Variants in FOXRED1 observed in about 807,000 individuals in gnomAD.
FOXRED1 encodes FAD-dependent oxidoreductase domain-containing protein 1.
A neutral mutation model predicts 57.8 loss-of-function variants in FOXRED1; 52 were observed. That is an observed-to-expected ratio of 0.90 (90% CI 0.72 to 1.13). The LOEUF is 1.13. Among genes scored for constraint, FOXRED1 ranks in the 50% most tolerant of loss-of-function variants. The pLI is 0.00. For synonymous variants in FOXRED1, 271 were observed against 248.3 expected, an observed-to-expected ratio of 1.09 and a Z score of -0.86; for missense variants, 589 against 625.2, an observed-to-expected ratio of 0.94 and a Z score of 0.62.
Position 126,275,326 on chromosome 11 carries a change from G to A in FOXRED1, c.632-1G>A. 6.2e-7 allele frequency: 1 copy of A among 1,606,828 alleles called. No individual in the cohort carries two copies. Among genetic ancestry groups the A allele is most frequent in the Non-Finnish European group, 8.5e-7 (1 of 1,173,390 alleles). On this transcript the variant is annotated splice_acceptor_variant, in intron 5 of 10. Transcript: ENST00000263578. LOFTEE classifies it high-confidence loss of function. The surrounding 1 kb of genome is among the most constrained non-coding windows in gnomAD (Gnocchi z 5.9). ...TGTGAGTTCTCTTTTTCTTATCACAGGGATGGAGGACGAAGGTTGGTTTGA... is the reference window on the plus strand; with the variant it reads ...TGTGAGTTCTCTTTTTCTTATCACAAGGATGGAGGACGAAGGTTGGTTTGA...
chr11:126,269,219 G>C lies in FOXRED1; in HGVS notation c.13G>C (p.Val5Leu). The C allele has an allele frequency of 6.2e-7, 1 of 1,613,808 alleles. No homozygotes were observed. The highest frequency in any genetic ancestry group is 8.5e-7 in the Non-Finnish European group (1 of 1,179,790). Residue 5 changes from valine to leucine, a missense_variant, in exon 1 of 11, where the codon GTT becomes CTT. By Grantham distance (32) the Val-to-Leu change is conservative. Coordinates refer to ENST00000263578, the MANE Select transcript of FOXRED1 (RefSeq NM_017547.4). MIRR[V>L]LPHGMGRGLL... ...GCTCAGAGGGGTTATGATTCGGAGGGTTCTGCCGCACGGCATGGGCCGGGG... is the reference window on the plus strand; with the variant it reads ...GCTCAGAGGGGTTATGATTCGGAGGCTTCTGCCGCACGGCATGGGCCGGGG...
Position 126,272,815 on chromosome 11 carries a change from C to T in FOXRED1, c.307-154C>T, listed in dbSNP as rs141660056. 8.1e-4 allele frequency: 562 copies of T among 691,644 alleles called. 2 individuals carry two copies. Among genetic ancestry groups the T allele is most frequent in the African/African-American group, 7.2e-3 (411 of 56,976 alleles). 42.8% of individuals were successfully genotyped at this position (691,644 alleles called of 1,614,324 possible). ...CTACTAATGATTTTAAACACCATTG[C>T]CTTCAAGTTGACTTACACATGGGTC... is the stretch of plus-strand genomic sequence containing the variant. On this transcript the variant is annotated intron_variant, in intron 2 of 10. Transcript: ENST00000263578. This position sits in a 1 kb window ranked among gnomAD's most constrained non-coding sequence, Gnocchi z 4.6.
In FOXRED1 at chr11:126,275,389, C is replaced by G; in HGVS notation, c.694C>G (p.Gln232Glu). Residue 232 changes from glutamine (Q) to glutamate (E), a missense_variant, in exon 6 of 11, where the codon CAG (glutamine) becomes GAG (glutamate). Coordinates refer to ENST00000263578, the MANE Select transcript of FOXRED1 (RefSeq NM_017547.4). The surrounding 1 kb of genome is among the most constrained non-coding windows in gnomAD (Gnocchi z 5.9). Reference sequence around the variant, plus strand: ...GCTCCAGGGGCTTCGGCGAAAGGTCCAGTCCTTGGGAGTCCTTTTCTGCCA... The same window carrying G: ...GCTCCAGGGGCTTCGGCGAAAGGTCGAGTCCTTGGGAGTCCTTTTCTGCCA... ...CLLQGLRRKVQSLGVLFCQGE... is the reference protein window; with the variant it reads ...CLLQGLRRKVESLGVLFCQGE... The G allele has an allele frequency of 6.2e-7, 1 of 1,613,876 alleles. No individual in the cohort carries two copies. The highest frequency in any genetic ancestry group is 8.5e-7 in the Non-Finnish European group (1 of 1,179,840).
chr11:126,269,490 G>A (rs1950913460), intron 1 of FOXRED1, 199 bp downstream of exon 1: 2 of 903,276 alleles, frequency 2.2e-6, no homozygotes, highest in Non-Finnish European at 3.5e-6. Flanking sequence ...CAGGTGGCAG[G>A]TCTCACATCA....
chr11:126,277,115 C>G lies in FOXRED1; in HGVS notation c.1146C>G (p.Phe382Leu). 6.2e-7 allele frequency: 1 copy of G among 1,613,758 alleles called. No homozygotes were observed. The highest frequency in any genetic ancestry group is 8.5e-7 in the Non-Finnish European group (1 of 1,179,910). The change falls in exon 10 of 11, where the codon TTC becomes TTG. Residue 382 changes from phenylalanine (F) to leucine (L), a missense_variant. Phe to Leu is a conservative substitution (Grantham distance 22). Coordinates refer to ENST00000263578, the MANE Select transcript of FOXRED1 (RefSeq NM_017547.4). This position sits in a 1 kb window ranked among gnomAD's most constrained non-coding sequence, Gnocchi z 6.8. ...DPANLEVDHD[F>L]FQDKVWPHLA... ...CGAACCTGGAAGTGGACCATGATTTCTTCCAGGACAAGGTGTGGCCCCATT... is the reference window on the plus strand; with the variant it reads ...CGAACCTGGAAGTGGACCATGATTTGTTCCAGGACAAGGTGTGGCCCCATT...
chr11:126,275,920 G>T lies in FOXRED1; in HGVS notation c.810+50G>T, dbSNP rs1442566758. The T allele has an allele frequency of 2.6e-6, 4 of 1,530,064 alleles. No individual in the cohort carries two copies. The highest frequency in any genetic ancestry group is 3.6e-6 in the Non-Finnish European group (4 of 1,103,642). The allele number at this position is 1,530,064 out of a possible 1,614,324, so 94.8% of individuals were successfully genotyped here. A position where few individuals can be genotyped will look rare whatever the true frequency, so the allele number is the denominator to read the frequency against. On this transcript the variant is annotated intron_variant, in intron 7 of 10. Coordinates refer to ENST00000263578, the MANE Select transcript of FOXRED1 (RefSeq NM_017547.4). The surrounding 1 kb of genome is among the most constrained non-coding windows in gnomAD (Gnocchi z 5.9). ...TTTACCAAAATGGAGGGACAGGGAAGGTAGTGACTCTCCTTGTTTTGGTTT... is the reference window on the plus strand; with the variant it reads ...TTTACCAAAATGGAGGGACAGGGAATGTAGTGACTCTCCTTGTTTTGGTTT...
rs1303805665 is a variant in FOXRED1, at chr11:126,277,811, T to C, written c.*122T>C. 9.0e-7 allele frequency: 1 copy of C among 1,108,576 alleles called. No homozygotes were observed. Among genetic ancestry groups the C allele is most frequent in the Non-Finnish European group, 1.4e-6 (1 of 734,844 alleles). 68.7% of individuals were successfully genotyped at this position (1,108,576 alleles called of 1,614,324 possible). On this transcript the variant is annotated 3_prime_UTR_variant, in exon 11 of 11. Coordinates refer to ENST00000263578, the MANE Select transcript of FOXRED1 (RefSeq NM_017547.4). The surrounding 1 kb of genome is among the most constrained non-coding windows in gnomAD (Gnocchi z 6.8). ...TCTCCCCCTCCCCAGTGTCCTCTCC[T>C]CTCAGGCAGGCCATTGCACCCATAT...
rs372704453 is a variant in FOXRED1 at position 126,275,911 on chromosome 11, G to A, written c.810+41G>A. The stretch of plus-strand genomic sequence containing the variant: ...GTGATGTCCTTTACCAAAATGGAGG[G>A]ACAGGGAAGGTAGTGACTCTCCTTG... On this transcript the variant is annotated intron_variant, in intron 7 of 10. Coordinates refer to ENST00000263578, the MANE Select transcript of FOXRED1 (RefSeq NM_017547.4). This position sits in a 1 kb window ranked among gnomAD's most constrained non-coding sequence, Gnocchi z 5.9. 1.2e-5 allele frequency: 18 copies of A among 1,542,660 alleles called. No homozygotes were observed. The highest frequency in any genetic ancestry group is 2.7e-6 in the Non-Finnish European group (3 of 1,115,000).
rs759731194 is a variant in FOXRED1, at chr11:126,277,444, G to T, written c.1216G>T (p.Ala406Ser). The T allele has an allele frequency of 6.2e-7, 1 of 1,613,050 alleles. No individual in the cohort carries two copies. Among genetic ancestry groups the T allele is most frequent in the South Asian group, 1.1e-5 (1 of 91,070 alleles). The change falls in exon 11 of 11, where the codon GCC becomes TCC. Residue 406 changes from alanine (A) to serine (S), a missense_variant. Ala to Ser is a moderately conservative substitution (Grantham distance 99). Coordinates refer to ENST00000263578, the MANE Select transcript of FOXRED1 (RefSeq NM_017547.4). This position sits in a 1 kb window ranked among gnomAD's most constrained non-coding sequence, Gnocchi z 6.8. The stretch of plus-strand genomic sequence containing the variant: ...TTTTGTGCACCCGCAGGTTCAGAGC[G>T]CCTGGGCCGGCTATTACGACTACAA... ...PAFETLKVQS[A>S]WAGYYDYNTF...
Position 126,272,592 on chromosome 11 carries a change from G to GT in FOXRED1, c.307-372dup, listed in dbSNP as rs1951020117. ...CAGGCATGAGCCACCCACCCGGCTG[G>GT]TTTTTACACTTTAGGTGTTCCTGTT... On this transcript the variant is annotated intron_variant, in intron 2 of 10. Transcript: ENST00000263578. The surrounding 1 kb of genome is among the most constrained non-coding windows in gnomAD (Gnocchi z 4.6). 1 of 325,252 alleles carries GT rather than the reference G, an allele frequency of 3.1e-6. No homozygotes were observed. Among genetic ancestry groups the GT allele is most frequent in the Non-Finnish European group, 5.9e-6 (1 of 168,904 alleles). The allele number at this position is 325,252 out of a possible 1,614,324, so 20.1% of individuals were successfully genotyped here.
chr11:126,276,117 C>A lies in FOXRED1; in HGVS notation c.869C>A (p.Ala290Glu). 1 of 1,612,716 alleles carries A rather than the reference C, an allele frequency of 6.2e-7. No homozygotes were observed. The highest frequency in any genetic ancestry group is 2.2e-5 in the East Asian group (1 of 44,802). ...QPVECAIVIN[A>E]AGAWSAQIAA... ...GTGGAATGCGCCATTGTGATCAACG[C>A]AGCCGGAGCCTGGTCTGCGCAAATC... The change falls in exon 8 of 11, where the codon GCA becomes GAA. Residue 290 changes from alanine (A) to glutamate (E), a missense_variant. By Grantham distance (107) the Ala-to-Glu change is moderately radical. Transcript: ENST00000263578.
intron 1 of FOXRED1, among the ~76,000 whole-genome samples, chr11:126,269,986 CAAAAAAAAAA>C (rs58199526): frequency 2.8e-5 from 2 of 72,332 alleles, no homozygotes; most frequent in Non-Finnish European, 5.9e-5. Context: ...AACTCCGTCT[CAAAAAAAAAA>C]AAAAAAAAAA....
chr11:126,277,729 G>C lies in FOXRED1; in HGVS notation c.*40G>C. The C allele has an allele frequency of 6.2e-7, 1 of 1,609,720 alleles. No individual in the cohort carries two copies. The highest frequency in any genetic ancestry group is 8.5e-7 in the Non-Finnish European group (1 of 1,177,122). ...CACTGGCTCCACTGGCTTGCATCCT[G>C]GCTGTGTTCACAGCCTTGTTTGCTG... On this transcript the variant is annotated 3_prime_UTR_variant, in exon 11 of 11. Transcript: ENST00000263578. This position sits in a 1 kb window ranked among gnomAD's most constrained non-coding sequence, Gnocchi z 6.8.
Position 126,275,597 on chromosome 11 carries a change from C to T in FOXRED1, c.733+169C>T. The T allele has an allele frequency of 2.8e-6, 2 of 722,762 alleles. No individual in the cohort carries two copies. The highest frequency in any genetic ancestry group is 2.5e-6 in the Non-Finnish European group (1 of 400,646). 44.8% of individuals were successfully genotyped at this position (722,762 alleles called of 1,614,324 possible). A position where few individuals can be genotyped will look rare whatever the true frequency, so the allele number is the denominator to read the frequency against. ...ACTGATCTGCGTTGTGACTTGTGATCTGCTTGATGATTGCACCTGAGCACT... is the reference window on the plus strand; with the variant it reads ...ACTGATCTGCGTTGTGACTTGTGATTTGCTTGATGATTGCACCTGAGCACT... On this transcript the variant is annotated intron_variant, in intron 6 of 10. Coordinates refer to ENST00000263578, the MANE Select transcript of FOXRED1 (RefSeq NM_017547.4). This position sits in a 1 kb window ranked among gnomAD's most constrained non-coding sequence, Gnocchi z 5.9.
rs541052622 is a variant in FOXRED1 at position 126,276,229 on chromosome 11, C to T, written c.971+10C>T. ...TGGAGCCGAGGAAAAGGTAACTGCC[C>T]TCCGGACAGCTGAGGAGGTTGGTGA... On this transcript the variant is annotated intron_variant, in intron 8 of 10. Transcript: ENST00000263578. The T allele has an allele frequency of 3.7e-6, 5 of 1,341,926 alleles. No homozygotes were observed. The highest frequency in any genetic ancestry group is 2.5e-5 in the African/African-American group (1 of 40,070). 83.1% of individuals were successfully genotyped at this position (1,341,926 alleles called of 1,614,324 possible).
Position 126,272,705 on chromosome 11 carries a change from G to A in FOXRED1, c.307-264G>A. On this transcript the variant is annotated intron_variant, in intron 2 of 10. Coordinates refer to ENST00000263578, the MANE Select transcript of FOXRED1 (RefSeq NM_017547.4). The surrounding 1 kb of genome is among the most constrained non-coding windows in gnomAD (Gnocchi z 4.6). ...ATGGTAGGTCAAACGTTAATCGCCT[G>A]CCCTTGGACTTCCAGGCCATTACCA... The A allele has an allele frequency of 1.8e-6, 1 of 564,174 alleles. No homozygotes were observed. The highest frequency in any genetic ancestry group is 3.1e-5 in the East Asian group (1 of 32,680). The allele number at this position is 564,174 out of a possible 1,614,324, so 34.9% of individuals were successfully genotyped here.
At position 126,275,462 on chromosome 11, in the gene FOXRED1, G is replaced by A. The variant is rs563695148; in HGVS notation, c.733+34G>A. ...GAGCTTGTTTCCTCTAGCAACCGGG[G>A]CATAGGCCTAGACTAGGTCTTATCT... On this transcript the variant is annotated intron_variant, in intron 6 of 10. Coordinates refer to ENST00000263578, the MANE Select transcript of FOXRED1 (RefSeq NM_017547.4). The surrounding 1 kb of genome is among the most constrained non-coding windows in gnomAD (Gnocchi z 5.9). 98 of 1,407,812 alleles carry A rather than the reference G, an allele frequency of 7.0e-5. 1 individual carries two copies. The South Asian group carries it at 9.9e-4, about 14-fold the overall frequency. 87.2% of individuals were successfully genotyped at this position (1,407,812 alleles called of 1,614,324 possible).
Position 126,277,479 on chromosome 11 carries a change from C to G in FOXRED1, c.1251C>G (p.Asp417Glu). 2 of 1,613,506 alleles carry G rather than the reference C, an allele frequency of 1.2e-6. No individual in the cohort carries two copies. Among genetic ancestry groups the G allele is most frequent in the Admixed American group, 1.7e-5 (1 of 60,018 alleles). Residue 417 changes from aspartate to glutamate, a missense_variant, in exon 11 of 11, where the codon GAC (aspartate) becomes GAG (glutamate). Asp to Glu is a conservative substitution (Grantham distance 45). Coordinates refer to ENST00000263578, the MANE Select transcript of FOXRED1 (RefSeq NM_017547.4). The surrounding 1 kb of genome is among the most constrained non-coding windows in gnomAD (Gnocchi z 6.8). The part of the protein sequence containing the change: ...WAGYYDYNTF[D>E]QNGVVGPHPL... Reference sequence around the variant, plus strand: ...GCTATTACGACTACAACACCTTTGACCAGAATGGCGTGGTGGGCCCCCACC... The same window carrying G: ...GCTATTACGACTACAACACCTTTGAGCAGAATGGCGTGGTGGGCCCCCACC...
At position 126,272,242 on chromosome 11, in the gene FOXRED1, A is replaced by G. The variant is rs549811160; in HGVS notation, c.306+585A>G. On this transcript the variant is annotated intron_variant, in intron 2 of 10. Transcript: ENST00000263578. This position sits in a 1 kb window ranked among gnomAD's most constrained non-coding sequence, Gnocchi z 4.6. ...TTCTCAAAGTGCTGGGATTACAGGC[A>G]TGAGCCACCATTCCCAGCCCTCAAC... Among the ~76,000 whole-genome samples, 4 of 152,212 alleles carry G rather than the reference A, an allele frequency of 2.6e-5. No individual in the cohort carries two copies. The highest frequency in any genetic ancestry group is 1.3e-4 in the Admixed American group (2 of 15,292).
Sources: gnomAD v4.1 joint callset for allele counts (sites outside exome capture counted in the v4.1 genomes callset) on GRCh38, gnomAD v4.1.1 for gene constraint, Gnocchi (gnomAD v3.1) non-coding constraint, MANE v1.5 for transcripts, NCBI Gene and HGNC (gene_info 2026-07-23, HGNC 2026-07-21) for gene names.